ARSJ: variants seen among roughly 807,000 people sequenced by gnomAD.
The protein encoded by ARSJ is arylsulfatase family member J.
A neutral mutation model predicts 35.9 loss-of-function variants in ARSJ; 26 were observed. That is an observed-to-expected ratio of 0.72 (90% confidence interval 0.53 to 1.00). The LOEUF (loss-of-function observed/expected upper bound fraction) is 1.00. Among genes scored for constraint, ARSJ ranks in the 50% least tolerant of loss-of-function variants. ARSJ has a pLI of 0.00. For missense variants in ARSJ, 667 were observed against 723.6 expected (o/e 0.92, Z 0.90); for synonymous variants, 294 against 267.6 (o/e 1.10, Z -0.96).
chr4:113,937,938 C>T (rs1264818223), intron 1 of ARSJ, among the ~76,000 whole-genome samples: 2 of 151,772 alleles, frequency 1.3e-5, no homozygotes, highest in Non-Finnish European at 2.9e-5. Flanking sequence ...TAGGAAGAAT[C>T]AATATGAAAA....
rs539266292 is a variant in ARSJ at position 113,935,362 on chromosome 4, C to A, written c.399-31687G>T. 2.0e-3 allele frequency among the ~76,000 whole-genome samples: 310 copies of A among 151,912 alleles called. 13 individuals are homozygous for A. The South Asian group carries it at 0.062, about 30-fold the overall frequency. ...ATTCATATAGTAAACATTTATTGAG[C>A]AACTTCTGTGAGTAAGTCACAGTTT... is the stretch of plus-strand genomic sequence containing the variant. On this transcript the variant is annotated intron_variant, in intron 1 of 1. Transcript: ENST00000315366.
At position 113,979,007 on chromosome 4, in the gene ARSJ, T is replaced by C. The variant is rs946404334; in HGVS notation, c.-173A>G. The C allele has an allele frequency of 3.1e-5, 19 of 612,510 alleles. No homozygotes were observed. Among genetic ancestry groups the C allele is most frequent in the Non-Finnish European group, 5.1e-5 (19 of 369,458 alleles). 37.9% of individuals were successfully genotyped at this position (612,510 alleles called of 1,614,324 possible). A position where few individuals can be genotyped will look rare whatever the true frequency, so the allele number is the denominator to read the frequency against. On this transcript the variant is annotated 5_prime_UTR_variant, in exon 1 of 2. Coordinates refer to ENST00000315366, the MANE Select transcript of ARSJ (RefSeq NM_024590.4). ...TAATCTTCCAGAAGTGATGGCTTAA[T>C]GGATGGGACTCCGGAAGAACAAGGA...
In ARSJ at chr4:113,903,561, C is replaced by T. The variant is rs779236311; in HGVS notation, c.513G>A (p.Thr171=). 21 of 1,614,156 alleles carry T rather than the reference C, an allele frequency of 1.3e-5. No individual in the cohort carries two copies. Among genetic ancestry groups the T allele is most frequent in the African/African-American group, 1.2e-4 (9 of 75,032 alleles). ...PQKLKEVGYS[T]HMVGKWHLGF... is the part of the protein sequence containing the mutation. Reference sequence around the variant, plus strand: ...CCAAGTGCCATTTTCCGACCATATGCGTTGAATATCCAACCTCCTTCAGTT... The same window carrying T: ...CCAAGTGCCATTTTCCGACCATATGTGTTGAATATCCAACCTCCTTCAGTT... Residue 171 remains threonine (T), a synonymous_variant, in exon 2 of 2, where the codon ACG becomes ACA. Coordinates refer to ENST00000315366, the MANE Select transcript of ARSJ (RefSeq NM_024590.4).
chr4:113,904,344 T>A (rs1323841165), intron 1 of ARSJ, among the ~76,000 whole-genome samples: 1 of 152,164 alleles, frequency 6.6e-6, no homozygotes, highest in African/African-American at 2.4e-5. Flanking sequence ...CAGAGTGTTA[T>A]TATTATTATT....
rs150576819 is a variant in ARSJ at position 113,930,245 on chromosome 4, G to A, written c.399-26570C>T. On this transcript the variant is annotated intron_variant, in intron 1 of 1. Transcript: ENST00000315366. ...CTGTCTGCAAGCTGAGGAGCAAGGA[G>A]AGCCAGTCAGAGTCCCAAAACTGAA... is the stretch of plus-strand genomic sequence containing the variant. 5.3e-5 allele frequency among the ~76,000 whole-genome samples: 8 copies of A among 152,220 alleles called. No homozygotes were observed. In the East Asian group the frequency reaches 1.6e-3, roughly 30 times the overall value.
intron 1 of ARSJ, among the ~76,000 whole-genome samples, chr4:113,973,878 GA>G (rs1383701607): frequency 1.3e-5 from 2 of 152,086 alleles, no homozygotes; most frequent in Admixed American, 1.3e-4. Context: ...TTACATTCAA[GA>G]TATTAATATT....
chr4:113,977,071 G>A (rs1727632319), intron 1 of ARSJ, among the ~76,000 whole-genome samples: 1 of 152,152 alleles, frequency 6.6e-6, no homozygotes, highest in East Asian at 1.9e-4. Flanking sequence ...TAGTTGAAGA[G>A]GTCCAGTGAG....
chr4:113,901,943 A>C lies in ARSJ; in HGVS notation c.*331T>G. 7.5e-6 allele frequency: 3 copies of C among 399,012 alleles called. No homozygotes were observed. Among genetic ancestry groups the C allele is most frequent in the Non-Finnish European group, 9.1e-6 (2 of 219,668 alleles). The allele number at this position is 399,012 out of a possible 1,614,324, so 24.7% of individuals were successfully genotyped here. The stretch of plus-strand genomic sequence containing the variant: ...TTAGCATGCTTGCGGATGGTAGGTT[A>C]TTGTTCTCCTCCTATAATTCAAAGC... On this transcript the variant is annotated 3_prime_UTR_variant, in exon 2 of 2. Coordinates refer to ENST00000315366, the MANE Select transcript of ARSJ (RefSeq NM_024590.4).
At chr4:113,944,880 G>A (rs562762261) in intron 1 of ARSJ, among the ~76,000 whole-genome samples, 3 of 151,992 alleles carry the variant, frequency 2.0e-5, no homozygotes, top group South Asian at 4.2e-4. Context: ...TAACATTCCT[G>A]ATTGTATACA....
intron 1 of ARSJ, among the ~76,000 whole-genome samples, chr4:113,912,251 T>C (rs559837687): frequency 6.6e-6 from 1 of 152,244 alleles, no homozygotes; most frequent in South Asian, 2.1e-4. Context: ...GAGTCTGAGG[T>C]AAATCAGCTA....
intron 1 of ARSJ, among the ~76,000 whole-genome samples, chr4:113,933,537 T>C (rs1724588195): frequency 6.6e-6 from 1 of 151,878 alleles, no homozygotes; most frequent in Non-Finnish European, 1.5e-5. Flanking sequence ...GATGCAAGGA[T>C]GGCTCAAAAT....
chr4:113,934,015 A>G (rs1436145123), intron 1 of ARSJ, among the ~76,000 whole-genome samples: 3 of 151,858 alleles, frequency 2.0e-5, no homozygotes. Context: ...AAAAACTGTT[A>G]GAATTGATGA....
intron 1 of ARSJ, 111 bp from the exon 2 acceptor site, chr4:113,903,786 T>C (rs1301194793): frequency 2.2e-6 from 3 of 1,365,852 alleles, no homozygotes; most frequent in East Asian, 2.4e-5. Flanking sequence ...TGTTAAATTA[T>C]AATTGACCCC....
intron 1 of ARSJ, among the ~76,000 whole-genome samples, chr4:113,932,937 G>T (rs1338677059): frequency 2.6e-5 from 4 of 151,852 alleles, no homozygotes; most frequent in African/African-American, 4.8e-5. Flanking sequence ...TTTGAAGAGA[G>T]AAACAGAATT....
At chr4:113,970,584 G>A (rs911152704) in intron 1 of ARSJ, 9 of 152,346 alleles carry the variant, frequency 5.9e-5, no homozygotes, top group Non-Finnish European at 8.8e-5. Flanking sequence ...AGCCAGTGGG[G>A]GACCTGGGAG....
chr4:113,930,829 G>A (rs1724393908), intron 1 of ARSJ, among the ~76,000 whole-genome samples: 1 of 150,198 alleles, frequency 6.7e-6, no homozygotes, highest in African/African-American at 2.5e-5. Context: ...TATACACCAT[G>A]GAATACTATG....
intron 1 of ARSJ, among the ~76,000 whole-genome samples, chr4:113,911,454 A>C (rs749715540): frequency 2.6e-5 from 4 of 152,218 alleles, no homozygotes; most frequent in South Asian, 2.1e-4. Context: ...AGACCTAGGC[A>C]GGGAGAAGTG....
intron 1 of ARSJ, among the ~76,000 whole-genome samples, chr4:113,937,131 G>A (rs1724812958): frequency 6.6e-6 from 1 of 151,842 alleles, no homozygotes; most frequent in South Asian, 2.1e-4. Context: ...AATTTCAGTG[G>A]TACTGGGAAG....
In ARSJ at chr4:113,938,699, A is replaced by G. The variant is rs1047806908; in HGVS notation, c.399-35024T>C. On this transcript the variant is annotated intron_variant, in intron 1 of 1. Transcript: ENST00000315366. ...TAGATTACAGACCTATCCAGAATAT[A>G]CAAAGAATTTAAACAAATTTACAAG... is the stretch of plus-strand genomic sequence containing the variant. 7.2e-5 allele frequency among the ~76,000 whole-genome samples: 11 copies of G among 152,066 alleles called. 1 individual carries two copies. In the East Asian group the frequency reaches 2.1e-3, roughly 30 times the overall value.
Sources: allele counts gnomAD v4.1 joint callset (sites outside exome capture counted in the v4.1 genomes callset), GRCh38; gene constraint gnomAD v4.1.1; transcripts MANE v1.5; gene names NCBI Gene and HGNC (gene_info 2026-07-23, HGNC 2026-07-21).